KCNJ3: variants seen among roughly 807,000 people sequenced by gnomAD.
KCNJ3 encodes the protein G protein-activated inward rectifier potassium channel 1.
In KCNJ3, 4 loss-of-function variants were observed where a neutral mutation model predicts 39.2. The observed-to-expected ratio is 0.10, with a 90% CI of 0.05 to 0.23. The LOEUF (loss-of-function observed/expected upper bound fraction) is 0.23. Ranked by LOEUF, KCNJ3 falls within the 10% of genes least tolerant of loss-of-function variation. The pLI is 1.00. For missense variants in KCNJ3, 276 were observed against 634.9 expected (o/e 0.43, Z 6.08); for synonymous variants, 230 against 237.4 (o/e 0.97, Z 0.29).
Position 154,813,875 on chromosome 2 carries a change from C to G in KCNJ3, c.920-40852C>G, listed in dbSNP as rs561110080. Among the ~76,000 whole-genome samples, 13 of 152,324 alleles carry G rather than the reference C, an allele frequency of 8.5e-5. No individual in the cohort carries two copies. In the South Asian group the frequency reaches 2.7e-3, roughly 32 times the overall value. ...CATAGAACAATGCTTTACACTCTTACTGAACCAGAGATAAATGCATTATCC... is the reference window on the plus strand; with the variant it reads ...CATAGAACAATGCTTTACACTCTTAGTGAACCAGAGATAAATGCATTATCC... On this transcript the variant is annotated intron_variant, in intron 2 of 2. Coordinates refer to ENST00000295101, the MANE Select transcript of KCNJ3 (RefSeq NM_002239.4).
chr2:154,786,707 A>G (rs1395392078), intron 2 of KCNJ3, among the ~76,000 whole-genome samples: 1 of 152,232 alleles, frequency 6.6e-6, no homozygotes, highest in African/African-American at 2.4e-5. Flanking sequence ...GAATCACTGT[A>G]CACCATAAAT....
At chr2:154,804,261 G>A (rs947701285) in intron 2 of KCNJ3, among the ~76,000 whole-genome samples, 1 of 152,074 alleles carries the variant, frequency 6.6e-6, no homozygotes, top group Admixed American at 6.6e-5. Context: ...TGAATCCAAA[G>A]GTGCAGGTGT....
intron 2 of KCNJ3, among the ~76,000 whole-genome samples, chr2:154,780,906 G>A (rs539836778): frequency 2.6e-5 from 4 of 152,224 alleles, no homozygotes; most frequent in South Asian, 4.2e-4. Flanking sequence ...AATATGCTGC[G>A]TTACTTGACA....
intron 2 of KCNJ3, among the ~76,000 whole-genome samples, chr2:154,714,121 G>A (rs73019272): frequency 0.053 from 8,075 of 152,114 alleles, 707 homozygotes; most frequent in African/African-American, 0.18. Flanking sequence ...GTCTTTTATA[G>A]CTACAAATGT....
rs1687389934 is a variant in KCNJ3 at position 154,833,098 on chromosome 2, G to A, written c.920-21629G>A. On this transcript the variant is annotated intron_variant, in intron 2 of 2. Transcript: ENST00000295101. ...TTATTATAATGAAAATTTAGAAATT[G>A]TTAAATAAGTAAGCAGATTTGGTGG... Among the ~76,000 whole-genome samples the A allele has an allele frequency of 1.3e-5, 2 of 152,160 alleles. 1 individual carries two copies. Among genetic ancestry groups the A allele is most frequent in the South Asian group, 4.1e-4 (2 of 4,834 alleles).
chr2:154,808,557 G>C (rs1686956368), intron 2 of KCNJ3, among the ~76,000 whole-genome samples: 1 of 152,106 alleles, frequency 6.6e-6, no homozygotes, highest in South Asian at 2.1e-4. Context: ...AGAATTAAGT[G>C]TTAGTTCCTT....
At chr2:154,755,611 G>A (rs1183778627) in intron 2 of KCNJ3, among the ~76,000 whole-genome samples, 1 of 147,564 alleles carries the variant, frequency 6.8e-6, no homozygotes, top group Non-Finnish European at 1.5e-5. Flanking sequence ...AGCATTTTAT[G>A]TTCATAAAAT....
At chr2:154,720,302 G>A (rs1685247456) in intron 2 of KCNJ3, among the ~76,000 whole-genome samples, 1 of 151,918 alleles carries the variant, frequency 6.6e-6, no homozygotes, top group African/African-American at 2.4e-5. Context: ...AGCCTTTTAT[G>A]TCAAAAATAT....
chr2:154,719,621 C>T (rs1229835215), intron 2 of KCNJ3, among the ~76,000 whole-genome samples: 4 of 152,056 alleles, frequency 2.6e-5, no homozygotes, highest in African/African-American at 9.7e-5. Context: ...ACTCATGAAA[C>T]CAGAACACCA....
intron 2 of KCNJ3, among the ~76,000 whole-genome samples, chr2:154,713,099 A>C (rs1685127766): frequency 6.6e-6 from 1 of 152,090 alleles, no homozygotes; most frequent in Non-Finnish European, 1.5e-5. Flanking sequence ...TCTGCATTCT[A>C]GATGGTTTTA....
At chr2:154,823,972 G>A (rs1447287813) in intron 2 of KCNJ3, among the ~76,000 whole-genome samples, 1 of 152,036 alleles carries the variant, frequency 6.6e-6, no homozygotes, top group Admixed American at 6.6e-5. Context: ...AAAACTTATT[G>A]GTGTATAGAG....
At chr2:154,755,730 C>G (rs934627795) in intron 2 of KCNJ3, among the ~76,000 whole-genome samples, 4 of 151,658 alleles carry the variant, frequency 2.6e-5, no homozygotes, top group Non-Finnish European at 4.4e-5. Context: ...TTCTTTATTG[C>G]TTTTTAAGTT....
At chr2:154,754,250 A>G (rs930661300) in intron 2 of KCNJ3, among the ~76,000 whole-genome samples, 2 of 152,170 alleles carry the variant, frequency 1.3e-5, no homozygotes, top group Non-Finnish European at 2.9e-5. Flanking sequence ...CACTCCTTCA[A>G]TAAACCTTAT....
At chr2:154,712,875 G>A (rs1685123937) in intron 2 of KCNJ3, among the ~76,000 whole-genome samples, 1 of 152,086 alleles carries the variant, frequency 6.6e-6, no homozygotes, top group African/African-American at 2.4e-5. Context: ...GGTCTGAAGA[G>A]GGGACACTCA....
At chr2:154,795,043 T>C (rs1427892007) in intron 2 of KCNJ3, among the ~76,000 whole-genome samples, 2 of 151,970 alleles carry the variant, frequency 1.3e-5, no homozygotes, top group Non-Finnish European at 2.9e-5. Flanking sequence ...CCTGTAATAC[T>C]AAGGGGGAAA....
intron 2 of KCNJ3, among the ~76,000 whole-genome samples, chr2:154,731,445 G>C (rs2105167543): frequency 6.6e-6 from 1 of 151,990 alleles, no homozygotes; most frequent in Non-Finnish European, 1.5e-5. Context: ...TTTCTGTTTT[G>C]TGAATAAGAG....
chr2:154,735,933 AATT>A (rs1326842282), intron 2 of KCNJ3, among the ~76,000 whole-genome samples: 1 of 152,138 alleles, frequency 6.6e-6, no homozygotes, highest in Non-Finnish European at 1.5e-5. Flanking sequence ...GGATTTAAAA[AATT>A]ATCTCTATTC....
intron 2 of KCNJ3, among the ~76,000 whole-genome samples, chr2:154,805,111 T>C (rs1686887115): frequency 1.3e-5 from 2 of 152,168 alleles, no homozygotes; most frequent in South Asian, 4.1e-4. Flanking sequence ...TGGTGTGGAA[T>C]TGAAAAGTTG....
At chr2:154,839,640 A>G (rs547371043) in intron 2 of KCNJ3, among the ~76,000 whole-genome samples, 1 of 152,202 alleles carries the variant, frequency 6.6e-6, no homozygotes, top group South Asian at 2.1e-4. Context: ...CTGGCATGAG[A>G]TGGTATCTCA....
Sources: gnomAD v4.1 joint callset for allele counts (sites outside exome capture counted in the v4.1 genomes callset) on GRCh38, gnomAD v4.1.1 for gene constraint, MANE v1.5 for transcripts, NCBI Gene and HGNC (gene_info 2026-07-23, HGNC 2026-07-21) for gene names.